The following TLE4 variants were observed in gnomAD, a reference collection of about 807,000 sequenced individuals.
TLE4 encodes the protein transducin-like enhancer protein 4.
TLE4 carries 8 observed loss-of-function variants against 92.8 expected under a neutral mutation model. That is an observed-to-expected ratio of 0.09 (90% CI 0.05 to 0.16). The LOEUF is 0.16. Ranked by LOEUF, TLE4 falls within the 10% of genes least tolerant of loss-of-function variation. The pLI, the probability that TLE4 is intolerant of heterozygous loss-of-function variation, is 1.00. For missense variants in TLE4, 675 were observed against 997.6 expected, an observed-to-expected ratio of 0.68 and a Z score of 4.36; for synonymous variants, 371 against 374.1, an observed-to-expected ratio of 0.99 and a Z score of 0.10.
chr9:79,604,709 G>A (rs151088996), intron 4 of TLE4, among the ~76,000 whole-genome samples: 275 of 152,236 alleles, frequency 1.8e-3, no homozygotes, highest in Non-Finnish European at 3.4e-3. Flanking sequence ...ATAAAAGGTG[G>A]CTTGTTTCCC....
intron 4 of TLE4, among the ~76,000 whole-genome samples, chr9:79,593,805 A>G (rs536466162): frequency 6.6e-6 from 1 of 152,324 alleles, no homozygotes; most frequent in South Asian, 2.1e-4. Context: ...TACATAAAAT[A>G]CATACCACAA....
At chr9:79,606,707 C>T (rs560570487) in intron 4 of TLE4, among the ~76,000 whole-genome samples, 2 of 152,198 alleles carry the variant, frequency 1.3e-5, no homozygotes, top group South Asian at 2.1e-4. Flanking sequence ...GACATGAACT[C>T]GTCTTTTTTT....
chr9:79,663,575 A>C (rs1374632045), intron 8 of TLE4: 1 of 152,256 alleles, frequency 6.6e-6, no homozygotes, highest in Non-Finnish European at 1.5e-5. Flanking sequence ...ACTCAAAAGC[A>C]AGGTTCCCCT....
chr9:79,654,200 T>A lies in TLE4; in HGVS notation c.609+125T>A, dbSNP rs1208603264. ...CATTGGTTAGTAGTGGTTAACTGCATTTTTAAAATTACTTTCAGGTGTGTG... is the reference window on the plus strand; with the variant it reads ...CATTGGTTAGTAGTGGTTAACTGCAATTTTAAAATTACTTTCAGGTGTGTG... On this transcript the variant is annotated intron_variant, in intron 8 of 19. Transcript: ENST00000376552. 6.3e-6 allele frequency: 6 copies of A among 955,662 alleles called. No individual in the cohort carries two copies. In the Admixed American group the frequency reaches 7.8e-5, roughly 12 times the overall value. The allele number at this position is 955,662 out of a possible 1,614,324, so 59.2% of individuals were successfully genotyped here. A position where few individuals can be genotyped will look rare whatever the true frequency, so the allele number is the denominator to read the frequency against.
chr9:79,623,849 T>A (rs974916574), intron 5 of TLE4, among the ~76,000 whole-genome samples: 1 of 152,122 alleles, frequency 6.6e-6, no homozygotes, highest in Non-Finnish European at 1.5e-5. Flanking sequence ...TTAGTGGCAT[T>A]TCATTTGGTG....
intron 4 of TLE4, among the ~76,000 whole-genome samples, chr9:79,588,623 G>A (rs1394577047): frequency 6.6e-6 from 1 of 151,832 alleles, no homozygotes; most frequent in Non-Finnish European, 1.5e-5. Flanking sequence ...TCTACTGTTT[G>A]TCCGTGGCTG....
At chr9:79,720,457 T>G (rs1306718793) in intron 16 of TLE4, among the ~76,000 whole-genome samples, 164 bp downstream of exon 16, 2 of 151,318 alleles carry the variant, frequency 1.3e-5, no homozygotes, top group African/African-American at 2.4e-5. Context: ...TAAAAATTGT[T>G]CAGAACAGGT....
chr9:79,605,557 A>G (rs2046616395), intron 4 of TLE4, among the ~76,000 whole-genome samples: 1 of 152,150 alleles, frequency 6.6e-6, no homozygotes, highest in African/African-American at 2.4e-5. Context: ...CTCACATGGT[A>G]GGAGGAAAAA....
chr9:79,667,921 C>G (rs1335773976), intron 8 of TLE4, among the ~76,000 whole-genome samples: 2 of 152,244 alleles, frequency 1.3e-5, no homozygotes, highest in African/African-American at 4.8e-5. Context: ...CTTTTATGCA[C>G]TTCCACAGTT....
chr9:79,579,955 T>A (rs1359752824), intron 4 of TLE4: 1 of 152,196 alleles, frequency 6.6e-6, no homozygotes, highest in Non-Finnish European at 1.5e-5. Context: ...TGATACCCTC[T>A]AGTACCAAGT....
intron 6 of TLE4, chr9:79,649,434 A>T (rs182259666): frequency 3.0e-5 from 5 of 168,328 alleles, no homozygotes; most frequent in African/African-American, 1.2e-4. Context: ...ATATAGTGGG[A>T]TTTCTGTTCC....
chr9:79,687,257 A>G (rs1206153181), intron 8 of TLE4, among the ~76,000 whole-genome samples: 1 of 152,126 alleles, frequency 6.6e-6, no homozygotes, highest in Admixed American at 6.5e-5. Flanking sequence ...TAGTGTTGCC[A>G]TGGCCACGTA....
chr9:79,704,928 G>C (rs1407027286), intron 9 of TLE4, 26 bp downstream of exon 9: 2 of 1,612,066 alleles, frequency 1.2e-6, no homozygotes, highest in African/African-American at 1.3e-5. Flanking sequence ...TTTGTGTTAG[G>C]GGAGGCCAGC....
At chr9:79,667,388 T>C (rs1466905633) in intron 8 of TLE4, among the ~76,000 whole-genome samples, 3 of 152,270 alleles carry the variant, frequency 2.0e-5, no homozygotes, top group Admixed American at 6.5e-5. Flanking sequence ...AGCTATACAC[T>C]TAAGAGGAAA....
At chr9:79,719,400 T>C (rs1364205105) in intron 15 of TLE4, among the ~76,000 whole-genome samples, 1 of 151,592 alleles carries the variant, frequency 6.6e-6, no homozygotes, top group South Asian at 2.1e-4. Context: ...GAAATGTCAG[T>C]TTAGTAGAAT....
chr9:79,631,389 GA>G (rs1013825886), intron 6 of TLE4, among the ~76,000 whole-genome samples: 30 of 151,934 alleles, frequency 2.0e-4, no homozygotes, highest in African/African-American at 7.3e-4. Flanking sequence ...CTCAGCTCAG[GA>G]AAAAAACATT....
intron 8 of TLE4, among the ~76,000 whole-genome samples, chr9:79,673,198 T>C (rs1038133307): frequency 6.6e-6 from 1 of 152,200 alleles, no homozygotes; most frequent in Non-Finnish European, 1.5e-5. Flanking sequence ...CTGCAAGGAA[T>C]GAAATTTTTA....
chr9:79,619,690 C>T (rs2050489770), intron 5 of TLE4, among the ~76,000 whole-genome samples: 1 of 152,152 alleles, frequency 6.6e-6, no homozygotes, highest in Non-Finnish European at 1.5e-5. Flanking sequence ...ACGTCTGCTT[C>T]CCAGTTGGAG....
chr9:79,663,070 GGGTGGA>G (rs1476639396), intron 8 of TLE4, among the ~76,000 whole-genome samples: 5 of 148,660 alleles, frequency 3.4e-5, no homozygotes, highest in African/African-American at 5.0e-5. Flanking sequence ...GTGGGGGTGG[GGGTGGA>G]GAAGGAGGGG....
Sources: allele counts gnomAD v4.1 joint callset (sites outside exome capture counted in the v4.1 genomes callset), GRCh38; gene constraint gnomAD v4.1.1; transcripts MANE v1.5; gene names NCBI Gene and HGNC (gene_info 2026-07-23, HGNC 2026-07-21).